KLRK1: variants seen among roughly 807,000 people sequenced by gnomAD.
KLRK1 encodes NKG2-D type II integral membrane protein.
A neutral mutation model predicts 31.3 loss-of-function variants in KLRK1; 40 were observed. The observed-to-expected ratio is 1.28, with a 90% CI of 0.99 to 1.67. KLRK1 has a LOEUF of 1.67. Among genes scored for constraint, KLRK1 ranks in the 40% most tolerant of loss-of-function variants. The probability of loss-of-function intolerance (pLI) is 0.00; values close to 1 mark genes in which losing one functional copy is unlikely to be tolerated. For synonymous variants in KLRK1, 77 were observed against 77.3 expected (o/e 1.00, Z 0.02); for missense variants, 251 against 260.0 (o/e 0.97, Z 0.24).
In KLRK1 at chr12:10,378,262, A is replaced by G. The variant is rs1016180883; in HGVS notation, c.430-27T>C. On this transcript the variant is annotated intron_variant, in intron 6 of 7. Transcript: ENST00000240618. ...TGTTTGAAACCACAAATAAACTATA[A>G]GTAAAATCAGTGTTGATAATTTTAG... The G allele has an allele frequency of 1.9e-6, 3 of 1,599,070 alleles. No individual in the cohort carries two copies. In the African/African-American group the frequency reaches 4.2e-5, roughly 22 times the overall value.
At chr12:10,373,481 T>C (rs1273391187) in intron 7 of KLRK1, among the ~76,000 whole-genome samples, 1 of 152,208 alleles carries the variant, frequency 6.6e-6, no homozygotes, top group East Asian at 1.9e-4. Flanking sequence ...AATCTCTTCA[T>C]ATGTATACCC....
intron 2 of KLRK1, among the ~76,000 whole-genome samples, chr12:10,388,325 TA>T (rs1211055149): frequency 6.6e-6 from 1 of 152,188 alleles, no homozygotes; most frequent in African/African-American, 2.4e-5. Flanking sequence ...ACCTTTAGGA[TA>T]AAAAGTGCTT....
rs545015656 is a variant in KLRK1 at position 10,384,286 on chromosome 12, T to C, written c.148+2617A>G. 3.3e-5 allele frequency among the ~76,000 whole-genome samples: 5 copies of C among 152,060 alleles called. No individual in the cohort carries two copies. In the South Asian group the frequency reaches 1.0e-3, roughly 32 times the overall value. Reference sequence around the variant, plus strand: ...TTATATGGTACCACAAAAGACTGAATAGCCAAAGCAATCTTGAACAAAAAT... The same window carrying C: ...TTATATGGTACCACAAAAGACTGAACAGCCAAAGCAATCTTGAACAAAAAT... On this transcript the variant is annotated intron_variant, in intron 3 of 7. Coordinates refer to ENST00000240618, the MANE Select transcript of KLRK1 (RefSeq NM_007360.4).
chr12:10,382,667 AAAGT>A (rs1296230078), intron 3 of KLRK1, among the ~76,000 whole-genome samples: 1 of 150,580 alleles, frequency 6.6e-6, no homozygotes, highest in Non-Finnish European at 1.5e-5. Flanking sequence ...CTCACTGATA[AAAGT>A]AAGTACACAG....
intron 5 of KLRK1, 156 bp from the exon 6 acceptor site, chr12:10,378,861 G>A (rs1863013591): frequency 1.1e-6 from 1 of 900,344 alleles, no homozygotes; most frequent in Admixed American, 3.5e-5. Context: ...CATATTCATA[G>A]AGAGAAGCCA....
At chr12:10,379,519 G>A in intron 4 of KLRK1, 37 bp from the exon 5 acceptor site, 6 of 1,380,554 alleles carry the variant, frequency 4.3e-6, no homozygotes, top group Middle Eastern at 1.9e-4. Context: ...AGTTTGTATT[G>A]TTAGTAACTT....
chr12:10,383,776 G>A (rs528604399), intron 3 of KLRK1, among the ~76,000 whole-genome samples: 2 of 152,074 alleles, frequency 1.3e-5, no homozygotes, highest in South Asian at 4.1e-4. Flanking sequence ...ATTTCCAAAA[G>A]TCAATATTAT....
At chr12:10,384,774 T>A (rs1044856034) in intron 3 of KLRK1, among the ~76,000 whole-genome samples, 1 of 152,030 alleles carries the variant, frequency 6.6e-6, no homozygotes, top group African/African-American at 2.4e-5. Context: ...CACACTTCTC[T>A]ACTGCATAGG....
Position 10,386,892 on chromosome 12 carries a change from A to C in KLRK1, c.148+11T>G, listed in dbSNP as rs777778235. On this transcript the variant is annotated intron_variant, in intron 3 of 7. Transcript: ENST00000240618. ...TATACTGAGAGTAGACAAATGGAAC[A>C]TAGGACTTACCATTTTCTCTACATT... 1 of 1,607,252 alleles carries C rather than the reference A, an allele frequency of 6.2e-7. No individual in the cohort carries two copies. The highest frequency in any genetic ancestry group is 8.5e-7 in the Non-Finnish European group (1 of 1,175,466).
At chr12:10,381,164 C>T (rs1019862269) in intron 3 of KLRK1, among the ~76,000 whole-genome samples, 1 of 151,968 alleles carries the variant, frequency 6.6e-6, no homozygotes, top group Non-Finnish European at 1.5e-5. Flanking sequence ...TTCCCAGAGC[C>T]ACTCACTTGG....
rs1348824493 is a variant in KLRK1, at chr12:10,378,581, A to G, written c.402T>C (p.Leu134=). Residue 134 remains leucine (L), a synonymous_variant, in exon 6 of 8, where the codon CTT becomes CTC. Coordinates refer to ENST00000240618, the MANE Select transcript of KLRK1 (RefSeq NM_007360.4). ...GGTCCTCTTTGCTGTATACTTTCAG[A>G]AGGCTGGCATTTTGAGACATACAAG... ...QASCMSQNAS[L]LKVYSKEDQD... 5.0e-6 allele frequency: 8 copies of G among 1,612,168 alleles called. No homozygotes were observed. Among genetic ancestry groups the G allele is most frequent in the Non-Finnish European group, 6.8e-6 (8 of 1,179,660 alleles).
At chr12:10,387,905 T>G (rs1455660167) in intron 2 of KLRK1, among the ~76,000 whole-genome samples, 1 of 152,200 alleles carries the variant, frequency 6.6e-6, no homozygotes, top group Non-Finnish European at 1.5e-5. Context: ...TCTAATGATT[T>G]AGAACAAAGA....
Position 10,383,378 on chromosome 12 carries a change from G to A in KLRK1, c.148+3525C>T, listed in dbSNP as rs569470592. Among the ~76,000 whole-genome samples the A allele has an allele frequency of 1.4e-4, 21 of 152,058 alleles. 1 individual carries two copies. The South Asian group carries it at 3.7e-3, about 27-fold the overall frequency. ...TATACTTAGATAAAATAGACTTTAA[G>A]TCAAAAAGAGTAAAAAAGAGTCAAA... On this transcript the variant is annotated intron_variant, in intron 3 of 7. Transcript: ENST00000240618.
intron 3 of KLRK1, among the ~76,000 whole-genome samples, chr12:10,380,072 T>G (rs1462529646): frequency 2.9e-5 from 4 of 138,386 alleles, no homozygotes; most frequent in Non-Finnish European, 3.1e-5. Context: ...TTTTTTTTTT[T>G]TTTTTTTTTT....
Position 10,388,767 on chromosome 12 carries a change from A to G in KLRK1, c.40+4T>C, listed in dbSNP as rs779977522. 1.1e-5 allele frequency: 17 copies of G among 1,613,832 alleles called. No individual in the cohort carries two copies. Among genetic ancestry groups the G allele is most frequent in the African/African-American group, 2.7e-5 (2 of 74,900 alleles). On this transcript the variant is annotated splice_donor_region_variant and intron_variant, in intron 2 of 7. Coordinates refer to ENST00000240618, the MANE Select transcript of KLRK1 (RefSeq NM_007360.4). ...AACTACACACTTATGTGGTAAAAAC[A>G]TACCCCAGCTGTGTCGAGACCTCCG...
At chr12:10,381,578 G>T (rs1228746932) in intron 3 of KLRK1, among the ~76,000 whole-genome samples, 1 of 151,866 alleles carries the variant, frequency 6.6e-6, no homozygotes, top group Non-Finnish European at 1.5e-5. Flanking sequence ...AAAATCAATG[G>T]GTAGGCAAAA....
At chr12:10,380,604 G>C (rs1304061169) in intron 3 of KLRK1, among the ~76,000 whole-genome samples, 3 of 152,172 alleles carry the variant, frequency 2.0e-5, no homozygotes, top group Admixed American at 6.5e-5. Flanking sequence ...AGAAGCAGGT[G>C]ACATGGATCA....
intron 7 of KLRK1, among the ~76,000 whole-genome samples, chr12:10,377,080 G>A (rs1266824535): frequency 6.6e-6 from 1 of 152,160 alleles, no homozygotes; most frequent in Admixed American, 6.5e-5. Flanking sequence ...GCCTCCCAAA[G>A]TGCTGGGATT....
Position 10,378,192 on chromosome 12 carries a change from A to G in KLRK1, c.473T>C (p.Val158Ala). 1 of 1,614,136 alleles carries G rather than the reference A, an allele frequency of 6.2e-7. No individual in the cohort carries two copies. Among genetic ancestry groups the G allele is most frequent in the Non-Finnish European group, 8.5e-7 (1 of 1,179,990 alleles). The change falls in exon 7 of 8, where the codon GTA (valine) becomes GCA (alanine). Residue 158 changes from valine to alanine, a missense_variant. Physicochemically the swap from Val to Ala is moderately conservative, Grantham distance 64. Transcript: ENST00000240618. Reference sequence around the variant, plus strand: ...CCAAGATCCATTTGTTGGAATGTGTACTAGTCCCATCCAATGATATGACTT... The same window carrying G: ...CCAAGATCCATTTGTTGGAATGTGTGCTAGTCCCATCCAATGATATGACTT... ...LVKSYHWMGL[V>A]HIPTNGSWQW... is the part of the protein sequence containing the mutation.
Sources: allele counts gnomAD v4.1 joint callset (sites outside exome capture counted in the v4.1 genomes callset), GRCh38; gene constraint gnomAD v4.1.1; transcripts MANE v1.5; gene names NCBI Gene and HGNC (gene_info 2026-07-23, HGNC 2026-07-21).